The following SMARCA4 variants were observed in gnomAD, a reference collection of about 807,000 sequenced individuals.
The protein encoded by SMARCA4 is SWI/SNF related BAF chromatin remodeling complex subunit ATPase 4.
Under a neutral mutation model 193.9 loss-of-function variants are expected in SMARCA4, and 31 were observed. The ratio of observed to expected loss-of-function variants is 0.16; its 90% CI spans 0.12 to 0.22. SMARCA4 has a LOEUF of 0.22. SMARCA4 is among the 10% of genes least tolerant of loss of function. The pLI, the probability that SMARCA4 is intolerant of heterozygous loss-of-function variation, is 1.00. For missense variants in SMARCA4, 1,148 were observed against 2,296.0 expected (o/e 0.50, Z 10.22); for synonymous variants, 942 against 933.1 (o/e 1.01, Z -0.17).
intron 1 of SMARCA4, among the ~76,000 whole-genome samples, chr19:10,966,537 G>A (rs2084233018): frequency 2.6e-5 from 4 of 152,040 alleles, no homozygotes. Flanking sequence ...GCAGTAAGCT[G>A]TGATCGCACC....
chr19:11,029,774 A>G (rs1289265676), intron 24 of SMARCA4, among the ~76,000 whole-genome samples: 1 of 152,032 alleles, frequency 6.6e-6, no homozygotes. Context: ...CCTGGATTCA[A>G]GCGATTCTCC....
intron 30 of SMARCA4, among the ~76,000 whole-genome samples, chr19:11,051,115 G>C (rs2076234146): frequency 6.6e-6 from 1 of 152,248 alleles, no homozygotes; most frequent in Admixed American, 6.5e-5. Context: ...GTGGAGCCGT[G>C]CTGGGGTTCT....
chr19:11,041,630 T>G lies in SMARCA4; in HGVS notation c.4424+70T>G. On this transcript the variant is annotated intron_variant, in intron 30 of 34. Transcript: ENST00000344626. The surrounding 1 kb of genome is among the most constrained non-coding windows in gnomAD (Gnocchi z 5.6). The stretch of plus-strand genomic sequence containing the variant: ...GGGAGCAGGCCTGGCATCTGCACTC[T>G]GACTCTGCACACTCAGGCTTGGGCC... 5 of 1,392,988 alleles carry G rather than the reference T, an allele frequency of 3.6e-6. No homozygotes were observed. The highest frequency in any genetic ancestry group is 5.0e-6 in the Non-Finnish European group (5 of 994,078). The allele number at this position is 1,392,988 out of a possible 1,614,324, so 86.3% of individuals were successfully genotyped here.
chr19:11,028,064 TC>T, intron 24 of SMARCA4, 114 bp downstream of exon 24: 1 of 1,161,218 alleles, frequency 8.6e-7, no homozygotes, highest in Non-Finnish European at 1.3e-6. Flanking sequence ...GCGCTCTGGG[TC>T]CAGTGGCCAG....
rs1555785321 is a variant in SMARCA4 at position 11,034,903 on chromosome 19, C to T, written c.3952-11C>T. ...TGCTGATGCCTCTCCCGTTGCCTCCCTGCCCACCAGCGCATGGACCTGGAC... is the reference window on the plus strand; with the variant it reads ...TGCTGATGCCTCTCCCGTTGCCTCCTTGCCCACCAGCGCATGGACCTGGAC... On this transcript the variant is annotated splice_polypyrimidine_tract_variant and intron_variant, in intron 28 of 34. Coordinates refer to ENST00000344626, the MANE Select transcript of SMARCA4 (RefSeq NM_003072.5). This position sits in a 1 kb window ranked among gnomAD's most constrained non-coding sequence, Gnocchi z 7.0. 1.3e-6 allele frequency: 2 copies of T among 1,547,684 alleles called. No homozygotes were observed. Among genetic ancestry groups the T allele is most frequent in the Non-Finnish European group, 8.7e-7 (1 of 1,144,550 alleles).
rs1391406933 is a variant in SMARCA4, at chr19:11,058,907, G to A, written c.4635+18G>A. The A allele has an allele frequency of 6.3e-7, 1 of 1,593,368 alleles. No homozygotes were observed. Among genetic ancestry groups the A allele is most frequent in the Non-Finnish European group, 8.6e-7 (1 of 1,161,578 alleles). On this transcript the variant is annotated intron_variant, in intron 32 of 34. Coordinates refer to ENST00000344626, the MANE Select transcript of SMARCA4 (RefSeq NM_003072.5). This position sits in a 1 kb window ranked among gnomAD's most constrained non-coding sequence, Gnocchi z 5.8. ...GCTCCCTGGTGAGGGCACCGCTGGGGGTTGGGGATGGGCCACTCCCACAGC... is the reference window on the plus strand; with the variant it reads ...GCTCCCTGGTGAGGGCACCGCTGGGAGTTGGGGATGGGCCACTCCCACAGC...
rs967855643 is a variant in SMARCA4 at position 10,992,087 on chromosome 19, A to G, written c.1419+764A>G. Among the ~76,000 whole-genome samples the G allele has an allele frequency of 1.9e-4, 29 of 151,888 alleles. 1 individual carries two copies. Among genetic ancestry groups the G allele is most frequent in the Admixed American group, 8.5e-4 (13 of 15,224 alleles). On this transcript the variant is annotated intron_variant, in intron 8 of 34. Transcript: ENST00000344626. ...ATTGGTGTAGTGTAAAATAATCTAGACAGTCAACACAGCAATCTCTGTTAA... is the reference window on the plus strand; with the variant it reads ...ATTGGTGTAGTGTAAAATAATCTAGGCAGTCAACACAGCAATCTCTGTTAA...
intron 19 of SMARCA4, among the ~76,000 whole-genome samples, chr19:11,022,903 T>G (rs952386480): frequency 2.6e-5 from 4 of 152,250 alleles, no homozygotes; most frequent in African/African-American, 9.6e-5. Flanking sequence ...GAGCAAAAGC[T>G]CTGCCAAAGG....
At position 11,033,176 on chromosome 19, in the gene SMARCA4, T is replaced by C; in HGVS notation, c.3547-114T>C. The stretch of plus-strand genomic sequence containing the variant: ...CGGCGGCAGGTCAGGCTGGGCAGAA[T>C]TGTCAGGCCGAGGGTGGCACGCACA... On this transcript the variant is annotated intron_variant, in intron 25 of 34. Transcript: ENST00000344626. The surrounding 1 kb of genome is among the most constrained non-coding windows in gnomAD (Gnocchi z 9.8). 2.4e-6 allele frequency: 2 copies of C among 820,276 alleles called. No individual in the cohort carries two copies. Among genetic ancestry groups the C allele is most frequent in the South Asian group, 2.8e-5 (2 of 72,506 alleles). 50.8% of individuals were successfully genotyped at this position (820,276 alleles called of 1,614,324 possible). A position where few individuals can be genotyped will look rare whatever the true frequency, so the allele number is the denominator to read the frequency against.
chr19:11,025,339 C>T lies in SMARCA4; in HGVS notation c.3082-83C>T, dbSNP rs549443902. ...CCACTAGAGCGTCCCCATGGCCCTT[C>T]TCCCAACACCCACCCATCCACCAAG... On this transcript the variant is annotated intron_variant, in intron 21 of 34. Coordinates refer to ENST00000344626, the MANE Select transcript of SMARCA4 (RefSeq NM_003072.5). 27 of 878,164 alleles carry T rather than the reference C, an allele frequency of 3.1e-5. No individual in the cohort carries two copies. The African/African-American group carries it at 3.3e-4, about 11-fold the overall frequency. The allele number at this position is 878,164 out of a possible 1,614,324, so 54.4% of individuals were successfully genotyped here.
At chr19:10,999,058 A>G (rs1222229272) in intron 11 of SMARCA4, among the ~76,000 whole-genome samples, 3 of 152,018 alleles carry the variant, frequency 2.0e-5, no homozygotes, top group Non-Finnish European at 4.4e-5. Context: ...GCACGCCACC[A>G]TGCTTGGTTA....
intron 1 of SMARCA4, among the ~76,000 whole-genome samples, chr19:10,964,414 G>T (rs899077605): frequency 9.9e-5 from 15 of 151,684 alleles, no homozygotes; most frequent in Non-Finnish European, 2.2e-4. Context: ...GGGTTCAAGC[G>T]ATTCTTCTGA....
chr19:11,043,507 A>C (rs1237552646), intron 30 of SMARCA4, among the ~76,000 whole-genome samples: 1 of 151,860 alleles, frequency 6.6e-6, no homozygotes, highest in African/African-American at 2.4e-5. Context: ...TGCGGGATAC[A>C]GCTGCGGGCA....
intron 18 of SMARCA4, chr19:11,021,125 G>T (rs1188334003): frequency 5.4e-6 from 1 of 186,894 alleles, no homozygotes; most frequent in African/African-American, 2.3e-5. Context: ...CCGTTGGCAG[G>T]CACAGGAACC....
intron 1 of SMARCA4, among the ~76,000 whole-genome samples, chr19:10,965,737 C>G (rs2084162426): frequency 1.3e-5 from 2 of 151,952 alleles, no homozygotes; most frequent in African/African-American, 2.4e-5. Context: ...CAGTTGTGAC[C>G]CGATAGTATT....
chr19:11,061,108 AGC>A (rs920964033), intron 34 of SMARCA4, among the ~76,000 whole-genome samples: 1 of 149,734 alleles, frequency 6.7e-6, no homozygotes, highest in African/African-American at 2.5e-5. Context: ...GGCTCACTTG[AGC>A]CTGGGAGGTC....
intron 7 of SMARCA4, 116 bp downstream of exon 7, chr19:10,989,559 C>T (rs2086370179): frequency 2.5e-6 from 3 of 1,203,558 alleles, no homozygotes; most frequent in South Asian, 1.3e-5. Context: ...CTGTGAAAAG[C>T]AGCCGTGGCC....
intron 1 of SMARCA4, among the ~76,000 whole-genome samples, chr19:10,980,547 T>A (rs1260746053): frequency 6.6e-6 from 1 of 151,578 alleles, no homozygotes; most frequent in African/African-American, 2.4e-5. Context: ...GGCATGAGAA[T>A]CGCTTGAACC....
chr19:11,001,768 A>G (rs939179606), intron 11 of SMARCA4, among the ~76,000 whole-genome samples: 3 of 152,192 alleles, frequency 2.0e-5, no homozygotes, highest in Non-Finnish European at 4.4e-5. Flanking sequence ...GTAGTTATAA[A>G]TTCCTGGAAG....
Sources: gnomAD v4.1 joint callset for allele counts (sites outside exome capture counted in the v4.1 genomes callset) on GRCh38, gnomAD v4.1.1 for gene constraint, Gnocchi (gnomAD v3.1) non-coding constraint, MANE v1.5 for transcripts, NCBI Gene and HGNC (gene_info 2026-07-23, HGNC 2026-07-21) for gene names.